Variants in TNS1 observed in about 807,000 individuals in gnomAD.
The protein encoded by TNS1 is tensin-1.
TNS1 carries 62 observed loss-of-function variants against 168.6 expected under a neutral mutation model. The ratio of observed to expected loss-of-function variants is 0.37; its 90% CI spans 0.30 to 0.45. TNS1 has a LOEUF of 0.45. TNS1 is among the 20% of genes least tolerant of loss of function. The pLI is 1.00. For missense variants in TNS1, 2,240 were observed against 2,339.4 expected (o/e 0.96, Z 0.88); for synonymous variants, 934 against 933.2 (o/e 1.00, Z -0.02).
At chr2:217,825,477 T>A (rs980179558) in intron 22 of TNS1, among the ~76,000 whole-genome samples, 4 of 152,176 alleles carry the variant, frequency 2.6e-5, no homozygotes, top group South Asian at 2.1e-4. Context: ...CCATCAACTG[T>A]CCTAGGTTGC....
chr2:217,996,757 C>T (rs927746984), intron 1 of TNS1, among the ~76,000 whole-genome samples: 10 of 151,990 alleles, frequency 6.6e-5, no homozygotes, highest in African/African-American at 2.2e-4. Context: ...GACACCAGGC[C>T]GCTCCCACCC....
Position 217,817,745 on chromosome 2 carries a change from GCCCCCA to G in TNS1, c.4581_4586del (p.Gly1528_Gly1529del). ...GAGTGTGGGAGAAGGAGACGGTGCTGCCCCCACTGGGACTGGACATGCCGCTGGCGA... is the reference window on the plus strand; with the variant it reads ...GAGTGTGGGAGAAGGAGACGGTGCTGCTGGGACTGGACATGCCGCTGGCGA... On this transcript the variant is annotated inframe_deletion, in exon 24 of 33. Transcript: ENST00000682258. 6.2e-7 allele frequency: 1 copy of G among 1,612,750 alleles called. No homozygotes were observed. Among genetic ancestry groups the G allele is most frequent in the South Asian group, 1.1e-5 (1 of 91,032 alleles).
chr2:217,892,258 T>C (rs1184614633), intron 11 of TNS1, among the ~76,000 whole-genome samples: 2 of 152,020 alleles, frequency 1.3e-5, no homozygotes, highest in African/African-American at 4.8e-5. Context: ...TGCCCCACCA[T>C]GCCTGGCTAA....
At chr2:218,027,853 C>G (rs1958863143) in intron 1 of TNS1, among the ~76,000 whole-genome samples, 1 of 152,182 alleles carries the variant, frequency 6.6e-6, no homozygotes, top group African/African-American at 2.4e-5. Context: ...AGCATCCACC[C>G]AGAGGCTCCA....
intron 9 of TNS1, among the ~76,000 whole-genome samples, chr2:217,894,531 C>A (rs1217918664): frequency 6.6e-6 from 1 of 152,152 alleles, no homozygotes; most frequent in East Asian, 1.9e-4. Context: ...GTAGCACGTG[C>A]CTGTAGTCCC....
intron 3 of TNS1, among the ~76,000 whole-genome samples, chr2:217,936,456 G>A (rs1351349344): frequency 6.6e-6 from 1 of 152,076 alleles, no homozygotes; most frequent in Admixed American, 6.5e-5. Flanking sequence ...AGGGGAGGAT[G>A]GTATGCTGGA....
At chr2:218,010,277 G>A (rs1435394062) in exon 1 of TNS1, 3 of 397,964 alleles carry the variant, frequency 7.5e-6, no homozygotes. Flanking sequence ...TCCGGGGTTG[G>A]GGCGGGGTAG....
chr2:217,939,970 C>T (rs1339673015), intron 3 of TNS1, among the ~76,000 whole-genome samples: 1 of 152,254 alleles, frequency 6.6e-6, no homozygotes, highest in Non-Finnish European at 1.5e-5. Flanking sequence ...GAAAGCGCTC[C>T]AGACCATTGG....
chr2:217,885,893 T>G, intron 14 of TNS1, 74 bp from the exon 15 acceptor site: 1 of 1,558,614 alleles, frequency 6.4e-7, no homozygotes. Flanking sequence ...TTCTCCCTGC[T>G]GCCCCTACGC....
At chr2:217,879,752 C>T (rs1950518922) in intron 18 of TNS1, among the ~76,000 whole-genome samples, 1 of 152,126 alleles carries the variant, frequency 6.6e-6, no homozygotes, top group Non-Finnish European at 1.5e-5. Flanking sequence ...AAATCCAAAA[C>T]CTTGGGGAGG....
At chr2:217,953,291 G>A (rs766078225) in intron 3 of TNS1, among the ~76,000 whole-genome samples, 3 of 152,262 alleles carry the variant, frequency 2.0e-5, no homozygotes, top group Admixed American at 2.0e-4. Flanking sequence ...CTACAGCCCC[G>A]CCCTCTGGGT....
rs777423872 is a variant in TNS1 at position 217,818,014 on chromosome 2, G to A, written c.4318C>T (p.Leu1440=). 15 of 1,597,958 alleles carry A rather than the reference G, an allele frequency of 9.4e-6. No homozygotes were observed. Among genetic ancestry groups the A allele is most frequent in the South Asian group, 3.4e-5 (3 of 89,004 alleles). Residue 1440 remains leucine, a synonymous_variant, in exon 24 of 33, where the codon CTG becomes TTG. Transcript: ENST00000682258. ...CCAGAGGCACTGCTCTGCCGGGACA[G>A]TGTGGGTCTCCGATCCTCCGGGGTA... ...YSTPEDRRPT[L]SRQSSASGYQ...
chr2:217,858,700 A>ACACACACACACC (rs1212064824), intron 18 of TNS1: 13 of 188,256 alleles, frequency 6.9e-5, no homozygotes, highest in East Asian at 5.8e-4. Flanking sequence ...ACACACACAC[A>ACACACACACACC]CCCCACTCCC....
In TNS1 at chr2:217,877,633, G is replaced by A. The variant is rs370468750; in HGVS notation, c.1429+3265C>T. On this transcript the variant is annotated intron_variant, in intron 18 of 32. Coordinates refer to ENST00000682258, the MANE Select transcript of TNS1 (RefSeq NM_001387777.1). ...CAGAATTCGGGAGAGGGCTCTAAGT[G>A]TCACAGTGCTGCAAGCTGTAAACTT... Among the ~76,000 whole-genome samples, 8 of 152,370 alleles carry A rather than the reference G, an allele frequency of 5.3e-5. No individual in the cohort carries two copies. In the East Asian group the frequency reaches 1.4e-3, roughly 26 times the overall value.
chr2:217,882,773 C>G (rs1359035925), intron 16 of TNS1, among the ~76,000 whole-genome samples: 1 of 152,026 alleles, frequency 6.6e-6, no homozygotes, highest in Non-Finnish European at 1.5e-5. Flanking sequence ...GAGATGGAGT[C>G]TCGCTCTGTC....
intron 3 of TNS1, among the ~76,000 whole-genome samples, chr2:217,939,930 C>T (rs1292941127): frequency 1.3e-5 from 2 of 152,204 alleles, no homozygotes; most frequent in South Asian, 2.1e-4. Flanking sequence ...TGCACTGGGG[C>T]TCTCTAGCGT....
chr2:217,917,880 A>G (rs369966655), intron 4 of TNS1, among the ~76,000 whole-genome samples: 3 of 149,998 alleles, frequency 2.0e-5, no homozygotes, highest in Admixed American at 6.7e-5. Context: ...CCTTGTGGGT[A>G]TCTGTGGGAA....
chr2:217,981,393 T>C (rs377206961), intron 2 of TNS1, among the ~76,000 whole-genome samples: 2 of 152,368 alleles, frequency 1.3e-5, no homozygotes, highest in Admixed American at 6.5e-5. Flanking sequence ...AGGGCAGCCC[T>C]GCCTGTCACA....
rs189245696 is a variant in TNS1 at position 217,897,835 on chromosome 2, G to A, written c.506C>T (p.Ala169Val). The change falls in exon 8 of 33, where the codon GCG becomes GTG. Residue 169 changes from alanine to valine, a missense_variant. This residue lies in a region of TNS1 where 2,131 missense variants were observed against 2,171.2 expected (regional missense o/e 0.98). Transcript: ENST00000682258. ...ENFRSNLREV[A>V]QMLKSKHGGN... ...TCCATGTTTGGACTTGAGCATCTGC[G>A]CCACCTCACGGAGGTTGCTCCGGAA... 2.9e-5 allele frequency: 46 copies of A among 1,611,154 alleles called. No individual in the cohort carries two copies. Among genetic ancestry groups the A allele is most frequent in the East Asian group, 1.8e-4 (8 of 44,760 alleles).
Sources: gnomAD v4.1 joint callset for allele counts (sites outside exome capture counted in the v4.1 genomes callset) on GRCh38, gnomAD v4.1.1 for gene constraint, gnomAD v4.1.1 regional missense constraint, MANE v1.5 for transcripts, NCBI Gene and HGNC (gene_info 2026-07-23, HGNC 2026-07-21) for gene names.